Variants in TTLL9 observed in about 807,000 individuals in gnomAD.
TTLL9 encodes probable tubulin polyglutamylase TTLL9.
Under a neutral mutation model 65.6 loss-of-function variants are expected in TTLL9, and 47 were observed. The observed-to-expected ratio is 0.72, with a 90% confidence interval of 0.57 to 0.91. The LOEUF is 0.91. TTLL9 is among the 40% of genes least tolerant of loss of function. The pLI is 0.00. For missense variants in TTLL9, 537 were observed against 568.8 expected (o/e 0.94, Z 0.57); for synonymous variants, 179 against 204.8 (o/e 0.87, Z 1.07).
At chr20:31,941,144 G>C (rs1395458879) in intron 14 of TTLL9, 1 of 151,404 alleles carries the variant, frequency 6.6e-6, no homozygotes, top group Non-Finnish European at 1.5e-5. Context: ...GTGAACCCGG[G>C]AGGCGGAGCT....
chr20:31,923,012 A>G lies in TTLL9; in HGVS notation c.623A>G (p.Tyr208Cys), dbSNP rs776075122. 7 of 1,613,988 alleles carry G rather than the reference A, an allele frequency of 4.3e-6. No homozygotes were observed. Among genetic ancestry groups the G allele is most frequent in the Non-Finnish European group, 5.9e-6 (7 of 1,179,972 alleles). Residue 208 changes from tyrosine (Y) to cysteine (C), a missense_variant, in exon 8 of 15, where the codon TAT (tyrosine) becomes TGT (cysteine). By Grantham distance (194) the Tyr-to-Cys change is radical (BLOSUM62 -2). Coordinates refer to ENST00000535842, the MANE Select transcript of TTLL9 (RefSeq NM_001008409.5). The part of the protein sequence containing the change: ...DQKDDIPVEN[Y>C]VAQRYIENPY... ...AAAGATGATATTCCCGTGGAGAACT[A>G]TGTGGCTCAGCGTTACATTGAAAAT...
At chr20:31,928,933 T>C (rs2063957663) in intron 10 of TTLL9, among the ~76,000 whole-genome samples, 1 of 152,220 alleles carries the variant, frequency 6.6e-6, no homozygotes, top group African/African-American at 2.4e-5. Context: ...TCGAGTACAG[T>C]GGTGGGATCA....
At chr20:31,900,427 C>T (rs1265306748) in intron 4 of TTLL9, among the ~76,000 whole-genome samples, 1 of 152,178 alleles carries the variant, frequency 6.6e-6, no homozygotes, top group Non-Finnish European at 1.5e-5. Flanking sequence ...ACAGCCTCAT[C>T]TTATAGTGGC....
At position 31,915,503 on chromosome 20, in the gene TTLL9, A is replaced by G. The variant is rs373605277; in HGVS notation, c.505-4361A>G. Among the ~76,000 whole-genome samples, 78 of 152,198 alleles carry G rather than the reference A, an allele frequency of 5.1e-4. No individual in the cohort carries two copies. In the South Asian group the frequency reaches 6.0e-3, roughly 12 times the overall value. On this transcript the variant is annotated intron_variant, in intron 6 of 14. Transcript: ENST00000535842. ...TCTCAAAGAAAAAAGCATAATATAA[A>G]AATATATCCCTCCCAAACCATCAAG...
chr20:31,871,092 CT>C (rs1568715751), intron 1 of TTLL9, 29 bp from the exon 2 acceptor site: 1 of 1,605,428 alleles, frequency 6.2e-7, no homozygotes, highest in Admixed American at 1.7e-5. Flanking sequence ...CATCCTCTCA[CT>C]CCTTCCTTCC....
Position 31,879,922 on chromosome 20 carries a change from C to T in TTLL9, c.70-7274C>T, listed in dbSNP as rs775616645. On this transcript the variant is annotated intron_variant, in intron 2 of 14. Coordinates refer to ENST00000535842, the MANE Select transcript of TTLL9 (RefSeq NM_001008409.5). ...GGTAGGAGTCGACCTGACCCAGATG[C>T]TTTTATCGTCCCTAGAAAAAGGGAG... is the stretch of plus-strand genomic sequence containing the variant. 2.7e-6 allele frequency: 4 copies of T among 1,475,444 alleles called. No individual in the cohort carries two copies. The South Asian group carries it at 4.8e-5, about 18-fold the overall frequency. The allele number at this position is 1,475,444 out of a possible 1,614,324, so 91.4% of individuals were successfully genotyped here. A position where few individuals can be genotyped will look rare whatever the true frequency, so the allele number is the denominator to read the frequency against.
chr20:31,936,194 G>A (rs1446934478), intron 12 of TTLL9, among the ~76,000 whole-genome samples: 2 of 152,170 alleles, frequency 1.3e-5, no homozygotes, highest in African/African-American at 2.4e-5. Flanking sequence ...CTAGCGGGAG[G>A]TCTTTGGGCT....
At chr20:31,898,422 T>C (rs1568768678) in intron 3 of TTLL9, 51 bp from the exon 4 acceptor site, 1 of 1,545,018 alleles carries the variant, frequency 6.5e-7, no homozygotes, top group Non-Finnish European at 8.9e-7. Flanking sequence ...CCTTGCGCCA[T>C]CCTAGGAAAA....
intron 4 of TTLL9, among the ~76,000 whole-genome samples, chr20:31,901,791 G>A (rs533764800): frequency 2.0e-5 from 3 of 152,296 alleles, no homozygotes; most frequent in East Asian, 3.9e-4. Flanking sequence ...TCCACCCAGC[G>A]TAGGTCCCTC....
At chr20:31,891,497 T>C (rs1018903408) in intron 3 of TTLL9, among the ~76,000 whole-genome samples, 1 of 150,756 alleles carries the variant, frequency 6.6e-6, no homozygotes, top group Non-Finnish European at 1.5e-5. Flanking sequence ...CCTTATTTTA[T>C]CTTTTTTTTT....
rs1350039862 is a variant in TTLL9, at chr20:31,944,143, G to C, written c.*1122G>C. On this transcript the variant is annotated 3_prime_UTR_variant, in exon 15 of 15. Coordinates refer to ENST00000535842, the MANE Select transcript of TTLL9 (RefSeq NM_001008409.5). ...TCTAGACCTTCTGCCTTCAGAGCATGAGGACTTCTCCCACTCATCCCTGTA... is the reference window on the plus strand; with the variant it reads ...TCTAGACCTTCTGCCTTCAGAGCATCAGGACTTCTCCCACTCATCCCTGTA... 7.4e-6 allele frequency: 2 copies of C among 268,766 alleles called. No individual in the cohort carries two copies. Among genetic ancestry groups the C allele is most frequent in the Non-Finnish European group, 1.5e-5 (2 of 132,050 alleles). 16.6% of individuals were successfully genotyped at this position (268,766 alleles called of 1,614,324 possible). A position where few individuals can be genotyped will look rare whatever the true frequency, so the allele number is the denominator to read the frequency against.
chr20:31,907,648 G>A (rs1215562775), intron 4 of TTLL9, among the ~76,000 whole-genome samples: 1 of 151,950 alleles, frequency 6.6e-6, no homozygotes, highest in Non-Finnish European at 1.5e-5. Flanking sequence ...TTGAACCCGG[G>A]AGGAGGAGGT....
intron 2 of TTLL9, chr20:31,879,844 G>T: frequency 2.6e-6 from 4 of 1,550,028 alleles, no homozygotes; most frequent in African/African-American, 1.4e-5. Flanking sequence ...CGCGAGGCGC[G>T]CGGTGGCGGT....
intron 10 of TTLL9, among the ~76,000 whole-genome samples, chr20:31,927,821 T>C (rs73903688): frequency 0.032 from 4,899 of 152,288 alleles, 277 homozygotes; most frequent in African/African-American, 0.11. Flanking sequence ...TTTTAGCCCA[T>C]TTGCATCTCT....
intron 14 of TTLL9, among the ~76,000 whole-genome samples, 178 bp from the exon 15 acceptor site, chr20:31,942,767 G>A (rs899630507): frequency 2.6e-5 from 4 of 152,208 alleles, no homozygotes; most frequent in Non-Finnish European, 5.9e-5. Flanking sequence ...GCTGAAAAGG[G>A]TAACTGACCT....
chr20:31,883,496 A>G (rs867958123), intron 2 of TTLL9, among the ~76,000 whole-genome samples: 2 of 152,138 alleles, frequency 1.3e-5, no homozygotes, highest in South Asian at 4.1e-4. Flanking sequence ...GTGCCCAGCA[A>G]GAATTCTTAA....
rs202200190 is a variant in TTLL9, at chr20:31,909,780, G to A, written c.362G>A (p.Arg121Gln). ...NYMVKNLKRF[R>Q]KQLEREAGKL... ...ATGGTGAAGAACCTGAAGCGGTTCC[G>A]GAAGCAGCTGGAGCGTGAGGCAGGA... Residue 121 changes from arginine (R) to glutamine (Q), a missense_variant, in exon 6 of 15, where the codon CGG (arginine) becomes CAG (glutamine). By Grantham distance (43) the Arg-to-Gln change is conservative (BLOSUM62 1). Transcript: ENST00000535842. 66 of 1,614,156 alleles carry A rather than the reference G, an allele frequency of 4.1e-5. No homozygotes were observed. Among genetic ancestry groups the A allele is most frequent in the African/African-American group, 2.5e-4 (19 of 75,048 alleles).
chr20:31,915,541 C>T (rs1385950637), intron 6 of TTLL9, among the ~76,000 whole-genome samples: 1 of 152,070 alleles, frequency 6.6e-6, no homozygotes, highest in East Asian at 1.9e-4. Flanking sequence ...ATAGAGCTGC[C>T]CCCAGAACTA....
At chr20:31,919,255 A>G (rs2063779791) in intron 6 of TTLL9, among the ~76,000 whole-genome samples, 1 of 152,166 alleles carries the variant, frequency 6.6e-6, no homozygotes, top group Non-Finnish European at 1.5e-5. Flanking sequence ...TACCTTTTGG[A>G]TGACTACTTA....
Sources: gnomAD v4.1 joint callset for allele counts (sites outside exome capture counted in the v4.1 genomes callset) on GRCh38, gnomAD v4.1.1 for gene constraint, MANE v1.5 for transcripts, NCBI Gene and HGNC (gene_info 2026-07-23, HGNC 2026-07-21) for gene names.